The following THSD7B variants were observed in gnomAD, a reference collection of about 807,000 sequenced individuals.
THSD7B encodes thrombospondin type-1 domain-containing protein 7B.
Under a neutral mutation model 213.6 loss-of-function variants are expected in THSD7B, and 138 were observed. The ratio of observed to expected loss-of-function variants is 0.65; its 90% CI spans 0.56 to 0.74. The LOEUF (loss-of-function observed/expected upper bound fraction) is 0.74, where lower values mean the gene tolerates loss of function less well. Ranked by LOEUF, THSD7B falls within the 30% of genes least tolerant of loss-of-function variation. The pLI is 0.00. For missense variants in THSD7B, 1,931 were observed against 1,991.5 expected (o/e 0.97, Z 0.58); for synonymous variants, 742 against 687.0 (o/e 1.08, Z -1.25).
intron 1 of THSD7B, among the ~76,000 whole-genome samples, chr2:136,848,929 T>G (rs1573667692): frequency 6.6e-6 from 1 of 152,186 alleles, no homozygotes; most frequent in Admixed American, 6.6e-5. Context: ...TAGCAGCTAC[T>G]GTTTATTGAA....
intron 4 of THSD7B, among the ~76,000 whole-genome samples, chr2:137,101,652 G>A (rs965783149): frequency 1.3e-5 from 2 of 152,120 alleles, no homozygotes; most frequent in Admixed American, 6.5e-5. Context: ...TGAAATTCTC[G>A]CTGCCAGCAC....
At chr2:137,308,282 G>A (rs1045526580) in intron 12 of THSD7B, among the ~76,000 whole-genome samples, 1 of 151,998 alleles carries the variant, frequency 6.6e-6, no homozygotes, top group South Asian at 2.1e-4. Context: ...GGCCTGTTCA[G>A]TGTGTGATGA....
At chr2:137,144,428 A>G (rs890799338) in intron 5 of THSD7B, among the ~76,000 whole-genome samples, 6 of 152,236 alleles carry the variant, frequency 3.9e-5, no homozygotes, top group African/African-American at 1.4e-4. Context: ...AGTGCTGACT[A>G]TCTGCTTGTC....
At chr2:137,093,311 C>T (rs982479501) in intron 3 of THSD7B, among the ~76,000 whole-genome samples, 1 of 152,170 alleles carries the variant, frequency 6.6e-6, no homozygotes, top group African/African-American at 2.4e-5. Flanking sequence ...TGGGCTCCTA[C>T]GTTTCCCCAG....
Position 137,563,345 on chromosome 2 carries a change from G to C in THSD7B, c.3263G>C (p.Arg1088Thr), listed in dbSNP as rs1178980658. Residue 1088 changes from arginine to threonine, a missense_variant, in exon 16 of 28, where the codon AGG becomes ACG. Transcript: ENST00000409968. Reference protein sequence around the residue: ...SLRCGGGTQSRKIRCVNTADG... With the variant: ...SLRCGGGTQSTKIRCVNTADG... ...CGCTGTGGAGGAGGAACACAATCTA[G>C]GAAAATCAGGTGTGTGAAAATGGAG... The C allele has an allele frequency of 6.2e-7, 1 of 1,612,728 alleles. No individual in the cohort carries two copies. The highest frequency in any genetic ancestry group is 1.3e-5 in the African/African-American group (1 of 74,820).
At chr2:137,569,206 C>G (rs1681303911) in intron 16 of THSD7B, among the ~76,000 whole-genome samples, 1 of 152,172 alleles carries the variant, frequency 6.6e-6, no homozygotes, top group Non-Finnish European at 1.5e-5. Flanking sequence ...AGAGATTCTT[C>G]TCTAGGAGTG....
intron 15 of THSD7B, among the ~76,000 whole-genome samples, chr2:137,549,961 T>C (rs1680814214): frequency 6.6e-6 from 1 of 152,058 alleles, no homozygotes; most frequent in Non-Finnish European, 1.5e-5. Context: ...CAATCTGTTC[T>C]ATGAAAATTG....
At chr2:136,780,082 T>G (rs949799379) in intron 1 of THSD7B, among the ~76,000 whole-genome samples, 3 of 152,154 alleles carry the variant, frequency 2.0e-5, no homozygotes, top group Non-Finnish European at 4.4e-5. Context: ...CTGTCTGTCT[T>G]AGGCTGTTTT....
chr2:136,788,028 C>A (rs1681899316), intron 1 of THSD7B, among the ~76,000 whole-genome samples: 1 of 152,110 alleles, frequency 6.6e-6, no homozygotes, highest in Non-Finnish European at 1.5e-5. Context: ...CTGACTGATG[C>A]AGAGGAGAAA....
chr2:137,371,612 T>C (rs1317549127), intron 12 of THSD7B, among the ~76,000 whole-genome samples: 1 of 152,198 alleles, frequency 6.6e-6, no homozygotes, highest in Non-Finnish European at 1.5e-5. Flanking sequence ...TGGCATATTT[T>C]TGTTCTCTAG....
At chr2:137,466,589 G>A (rs1205455847) in intron 15 of THSD7B, among the ~76,000 whole-genome samples, 1 of 152,076 alleles carries the variant, frequency 6.6e-6, no homozygotes, top group Non-Finnish European at 1.5e-5. Context: ...GCTCAGGGAA[G>A]CCAAAAGATT....
intron 7 of THSD7B, among the ~76,000 whole-genome samples, chr2:137,185,486 T>G (rs1035939551): frequency 7.2e-5 from 11 of 152,252 alleles, no homozygotes; most frequent in Non-Finnish European, 1.5e-4. Context: ...TAAGTGAGGA[T>G]ATGCAGTATT....
At chr2:137,099,650 T>C (rs1283224087) in intron 4 of THSD7B, among the ~76,000 whole-genome samples, 1 of 152,188 alleles carries the variant, frequency 6.6e-6, no homozygotes, top group African/African-American at 2.4e-5. Flanking sequence ...AGTTTTCATA[T>C]GAAAATGGCT....
chr2:137,105,916 A>G (rs1688238950), intron 4 of THSD7B, among the ~76,000 whole-genome samples: 1 of 152,192 alleles, frequency 6.6e-6, no homozygotes, highest in African/African-American at 2.4e-5. Context: ...AAATGGAAAA[A>G]CATTCCATGC....
chr2:137,357,212 A>G (rs13401427), intron 12 of THSD7B, among the ~76,000 whole-genome samples: 30,622 of 152,104 alleles, frequency 0.2, 3,428 homozygotes, highest in South Asian at 0.29. Context: ...ATAAATTTTA[A>G]ACGAATTAAA....
chr2:137,145,625 A>G (rs1679680999), intron 5 of THSD7B, among the ~76,000 whole-genome samples: 1 of 152,108 alleles, frequency 6.6e-6, no homozygotes, highest in Non-Finnish European at 1.5e-5. Flanking sequence ...AATATTAGCC[A>G]TAATAAGTAT....
At chr2:136,919,781 G>T (rs1369180527) in intron 2 of THSD7B, among the ~76,000 whole-genome samples, 1 of 152,198 alleles carries the variant, frequency 6.6e-6, no homozygotes, top group Non-Finnish European at 1.5e-5. Flanking sequence ...GTGCAGAGGG[G>T]CAAGGAGTGT....
rs148222298 is a variant in THSD7B, at chr2:137,536,602, G to T, written c.3139-26619G>T. Among the ~76,000 whole-genome samples the T allele has an allele frequency of 6.1e-3, 926 of 151,118 alleles. 8 individuals are homozygous for T. Among genetic ancestry groups the T allele is most frequent in the African/African-American group, 0.022 (889 of 41,238 alleles). ...TATTTGAAAATATTTTAAGCAAGAAGAATAAAGGACTAATCTTTCCCAGAA... is the reference window on the plus strand; with the variant it reads ...TATTTGAAAATATTTTAAGCAAGAATAATAAAGGACTAATCTTTCCCAGAA... On this transcript the variant is annotated intron_variant, in intron 15 of 27. Coordinates refer to ENST00000409968, the MANE Select transcript of THSD7B (RefSeq NM_001316349.2).
chr2:137,242,452 G>T lies in THSD7B; in HGVS notation c.2151-5G>T. On this transcript the variant is annotated splice_polypyrimidine_tract_variant and splice_region_variant and intron_variant, in intron 9 of 27. Coordinates refer to ENST00000409968, the MANE Select transcript of THSD7B (RefSeq NM_001316349.2). ...GGCATTGACATGGTCTTTTCACATT[G>T]ACAGATGTCCAGATTCTACTCGACC... is the stretch of plus-strand genomic sequence containing the variant. 1 of 1,610,552 alleles carries T rather than the reference G, an allele frequency of 6.2e-7. No individual in the cohort carries two copies. The highest frequency in any genetic ancestry group is 1.1e-5 in the South Asian group (1 of 90,970).
Sources: gnomAD v4.1 joint callset for allele counts (sites outside exome capture counted in the v4.1 genomes callset) on GRCh38, gnomAD v4.1.1 for gene constraint, MANE v1.5 for transcripts, NCBI Gene and HGNC (gene_info 2026-07-23, HGNC 2026-07-21) for gene names.